The following TMEM222 variants were observed in gnomAD, a reference collection of about 807,000 sequenced individuals.
TMEM222 encodes the protein transmembrane protein 222, also known as chromosome 1 open reading frame 160.
In TMEM222, 18 loss-of-function variants were observed where a neutral mutation model predicts 25.1. That is an observed-to-expected ratio of 0.72 (90% CI 0.50 to 1.06). TMEM222 has a LOEUF of 1.06. Ranked by LOEUF, TMEM222 falls within the 50% of genes least tolerant of loss-of-function variation. The pLI is 0.00. For missense variants in TMEM222, 296 were observed against 293.7 expected (o/e 1.01, Z -0.06); for synonymous variants, 131 against 117.9 (o/e 1.11, Z -0.72).
chr1:27,334,472 G>A (rs894057489), intron 5 of TMEM222, 191 bp downstream of exon 5: 4 of 1,265,022 alleles, frequency 3.2e-6, no homozygotes, highest in Non-Finnish European at 2.1e-6. Flanking sequence ...CTGAAGTCCA[G>A]CTCCACCTGG....
At chr1:27,329,529 T>TG (rs1481129336) in intron 1 of TMEM222, among the ~76,000 whole-genome samples, 1 of 152,150 alleles carries the variant, frequency 6.6e-6, no homozygotes, top group Non-Finnish European at 1.5e-5. Flanking sequence ...AAGCCTGTGT[T>TG]GTGTGTAGCA....
Position 27,336,275 on chromosome 1 carries a change from C to T in TMEM222, c.*809C>T, listed in dbSNP as rs893712979. The T allele has an allele frequency of 6.6e-6, 1 of 152,402 alleles. No individual in the cohort carries two copies. Among genetic ancestry groups the T allele is most frequent in the Admixed American group, 6.5e-5 (1 of 15,288 alleles). The allele number at this position is 152,402 out of a possible 1,614,324, so 9.4% of individuals were successfully genotyped here. On this transcript the variant is annotated 3_prime_UTR_variant, in exon 6 of 6. Transcript: ENST00000374076. ...CATCAGGGAGCTGAAGGGGCTGTCC[C>T]CCACCTAACTCCAGCTCCCCCTTCA... is the stretch of plus-strand genomic sequence containing the variant.
intron 3 of TMEM222, chr1:27,333,657 G>T (rs966674404): frequency 2.3e-6 from 1 of 434,222 alleles, no homozygotes; most frequent in Non-Finnish European, 4.3e-6. Context: ...CCTCCCAAAG[G>T]CCCCACCTCC....
chr1:27,322,428 G>T, intron 1 of TMEM222, 37 bp downstream of exon 1: 1 of 1,335,840 alleles, frequency 7.5e-7, no homozygotes, highest in Non-Finnish European at 9.7e-7. Context: ...GGACGAGGAG[G>T]GCCCAGGGAG....
intron 1 of TMEM222, among the ~76,000 whole-genome samples, chr1:27,326,917 CTT>C (rs922303929): frequency 3.3e-5 from 5 of 151,842 alleles, no homozygotes; most frequent in East Asian, 1.9e-4. Context: ...GGCTTCCAGC[CTT>C]TACTCTGATT....
At chr1:27,322,940 C>A (rs2014242657) in intron 1 of TMEM222, among the ~76,000 whole-genome samples, 1 of 152,044 alleles carries the variant, frequency 6.6e-6, no homozygotes, top group Non-Finnish European at 1.5e-5. Flanking sequence ...GCCTCCCAGA[C>A]CAAAGTTCTT....
chr1:27,322,397 T>C lies in TMEM222; in HGVS notation c.194+6T>C. 7.2e-7 allele frequency: 1 copy of C among 1,396,936 alleles called. No individual in the cohort carries two copies. Among genetic ancestry groups the C allele is most frequent in the Non-Finnish European group, 9.4e-7 (1 of 1,061,220 alleles). 86.5% of individuals were successfully genotyped at this position (1,396,936 alleles called of 1,614,324 possible). ...ACGCCCATCCCGGTGCTCACGTGAG[T>C]CTCTTCCGGCATCCGCCTGGGGACG... is the stretch of plus-strand genomic sequence containing the variant. On this transcript the variant is annotated splice_donor_region_variant and intron_variant, in intron 1 of 5. Coordinates refer to ENST00000374076, the MANE Select transcript of TMEM222 (RefSeq NM_032125.3).
rs981772101 is a variant in TMEM222 at position 27,335,803 on chromosome 1, T to C, written c.*337T>C. 2.8e-6 allele frequency: 1 copy of C among 355,858 alleles called. No homozygotes were observed. The highest frequency in any genetic ancestry group is 5.4e-6 in the Non-Finnish European group (1 of 186,616). 22.0% of individuals were successfully genotyped at this position (355,858 alleles called of 1,614,324 possible). On this transcript the variant is annotated 3_prime_UTR_variant, in exon 6 of 6. Coordinates refer to ENST00000374076, the MANE Select transcript of TMEM222 (RefSeq NM_032125.3). ...TCCTGCCTCAGCCCAGTGCCCAGTATGGGGAGAGGAGGACATTTGGGCTCA... is the reference window on the plus strand; with the variant it reads ...TCCTGCCTCAGCCCAGTGCCCAGTACGGGGAGAGGAGGACATTTGGGCTCA...
At chr1:27,325,350 A>C in intron 1 of TMEM222, 1 of 811,756 alleles carries the variant, frequency 1.2e-6, no homozygotes, top group East Asian at 2.6e-5. Flanking sequence ...CGAGCAGGAG[A>C]TGGCCACTAC....
chr1:27,332,045 G>A (rs1272692371), intron 2 of TMEM222, 25 bp from the exon 3 acceptor site: 1 of 1,614,052 alleles, frequency 6.2e-7, no homozygotes, highest in Non-Finnish European at 8.5e-7. Context: ...GTTCCTCACT[G>A]ACCTCTGCTT....
intron 1 of TMEM222, chr1:27,325,583 G>A (rs1300929354): frequency 2.9e-6 from 3 of 1,040,990 alleles, no homozygotes; most frequent in Non-Finnish European, 1.5e-6. Flanking sequence ...GCACCACCAT[G>A]TACCCGGGCA....
chr1:27,329,247 T>C (rs1028373764), intron 1 of TMEM222, among the ~76,000 whole-genome samples: 3 of 151,722 alleles, frequency 2.0e-5, no homozygotes, highest in Non-Finnish European at 4.4e-5. Flanking sequence ...GTATAACTTA[T>C]GTACCAAACG....
Position 27,336,364 on chromosome 1 carries a change from G to A in TMEM222, c.*898G>A, listed in dbSNP as rs994902601. 2.0e-5 allele frequency: 3 copies of A among 152,358 alleles called. No individual in the cohort carries two copies. Among genetic ancestry groups the A allele is most frequent in the African/African-American group, 7.2e-5 (3 of 41,446 alleles). 9.4% of individuals were successfully genotyped at this position (152,358 alleles called of 1,614,324 possible). A position where few individuals can be genotyped will look rare whatever the true frequency, so the allele number is the denominator to read the frequency against. On this transcript the variant is annotated 3_prime_UTR_variant, in exon 6 of 6. Transcript: ENST00000374076. ...CTGCTCTGTGGATTCCTTTGGGAAGGGCTCCCTGGGCAGGACAATAAAGAG... is the reference window on the plus strand; with the variant it reads ...CTGCTCTGTGGATTCCTTTGGGAAGAGCTCCCTGGGCAGGACAATAAAGAG...
intron 2 of TMEM222, chr1:27,331,085 G>A (rs2014468116): frequency 2.2e-6 from 3 of 1,336,594 alleles, no homozygotes; most frequent in Non-Finnish European, 2.9e-6. Flanking sequence ...GGGATTAGAG[G>A]CAAGAGTGGA....
chr1:27,329,578 T>C (rs2014430968), intron 1 of TMEM222, among the ~76,000 whole-genome samples: 1 of 152,252 alleles, frequency 6.6e-6, no homozygotes, highest in Non-Finnish European at 1.5e-5. Context: ...ACTATTTCAA[T>C]GTATAACTAT....
At chr1:27,323,657 C>T (rs951484669) in intron 1 of TMEM222, among the ~76,000 whole-genome samples, 1 of 152,178 alleles carries the variant, frequency 6.6e-6, no homozygotes, top group Non-Finnish European at 1.5e-5. Flanking sequence ...CCTGTAATCC[C>T]AGCTACTCTG....
At chr1:27,325,828 G>A in intron 1 of TMEM222, 1 of 801,896 alleles carries the variant, frequency 1.2e-6, no homozygotes, top group East Asian at 2.4e-5. Context: ...AGCATTTGCT[G>A]CATGGGTTAA....
chr1:27,334,796 C>T, intron 5 of TMEM222: 2 of 1,111,396 alleles, frequency 1.8e-6, no homozygotes, highest in Non-Finnish European at 2.2e-6. Context: ...TTCCTCTTAG[C>T]CACGTTCATC....
intron 5 of TMEM222, chr1:27,334,782 A>C (rs549432787): frequency 5.3e-6 from 6 of 1,131,634 alleles, no homozygotes; most frequent in Non-Finnish European, 6.6e-6. Flanking sequence ...CGCCTCTCCA[A>C]GCTTTCCTCT....
Sources: allele counts gnomAD v4.1 joint callset (sites outside exome capture counted in the v4.1 genomes callset), GRCh38; gene constraint gnomAD v4.1.1; transcripts MANE v1.5; gene names NCBI Gene and HGNC (gene_info 2026-07-23, HGNC 2026-07-21).